Variants in EYS observed in about 807,000 individuals in gnomAD.
EYS encodes protein eyes shut homolog.
A neutral mutation model predicts 282.1 loss-of-function variants in EYS; 250 were observed. The observed-to-expected ratio is 0.89, with a 90% CI of 0.80 to 0.98. The LOEUF is 0.98. Ranked by LOEUF, EYS falls within the 50% of genes least tolerant of loss-of-function variation. The probability of loss-of-function intolerance (pLI) is 0.00; values close to 1 mark genes in which losing one functional copy is unlikely to be tolerated. For synonymous variants in EYS, 1,355 were observed against 1,282.9 expected (o/e 1.06, Z -1.20); for missense variants, 4,016 against 3,709.0 (o/e 1.08, Z -2.15).
chr6:64,876,824 AT>A (rs1426074214), intron 19 of EYS, among the ~76,000 whole-genome samples: 2 of 152,120 alleles, frequency 1.3e-5, no homozygotes, highest in African/African-American at 4.8e-5. Flanking sequence ...TGAGGGAGAA[AT>A]TAGATTAGAG....
chr6:64,430,132 C>G (rs1316446505), intron 28 of EYS, among the ~76,000 whole-genome samples: 2 of 152,116 alleles, frequency 1.3e-5, no homozygotes, highest in African/African-American at 2.4e-5. Context: ...TAATGTCTTC[C>G]AAATGAAGTG....
intron 26 of EYS, among the ~76,000 whole-genome samples, chr6:64,587,971 A>G (rs1180422696): frequency 1.3e-5 from 2 of 152,006 alleles, no homozygotes; most frequent in Non-Finnish European, 1.5e-5. Flanking sequence ...CAATTGTATC[A>G]CCAAGTTTTT....
At chr6:64,161,443 A>G (rs1462383071) in intron 31 of EYS, among the ~76,000 whole-genome samples, 1 of 152,202 alleles carries the variant, frequency 6.6e-6, no homozygotes, top group Non-Finnish European at 1.5e-5. Flanking sequence ...ACAACAAAAT[A>G]CAAGTGGTAT....
At chr6:64,963,372 G>A (rs1372010819) in intron 14 of EYS, among the ~76,000 whole-genome samples, 1 of 152,078 alleles carries the variant, frequency 6.6e-6, no homozygotes, top group African/African-American at 2.4e-5. Flanking sequence ...TTAGCCATAG[G>A]AATGGCACCC....
At chr6:64,349,382 A>G (rs1163159114) in intron 29 of EYS, among the ~76,000 whole-genome samples, 1 of 151,170 alleles carries the variant, frequency 6.6e-6, no homozygotes, top group Non-Finnish European at 1.5e-5. Context: ...CTCCTATATG[A>G]TTTTATCATG....
intron 2 of EYS, among the ~76,000 whole-genome samples, chr6:65,577,670 C>T (rs1764719483): frequency 6.6e-6 from 1 of 150,496 alleles, no homozygotes; most frequent in Non-Finnish European, 1.5e-5. Flanking sequence ...ATTAGTAAAC[C>T]ATACATCTGA....
In EYS at chr6:64,617,521, T is replaced by A. The variant is rs1262595280; in HGVS notation, c.3581A>T (p.His1194Leu). 1 of 1,546,028 alleles carries A rather than the reference T, an allele frequency of 6.5e-7. No homozygotes were observed. The highest frequency in any genetic ancestry group is 1.4e-5 in the African/African-American group (1 of 72,870). Residue 1194 changes from histidine (H) to leucine (L), a missense_variant, in exon 24 of 43, where the codon CAC becomes CTC. Physicochemically the swap from His to Leu is moderately conservative, Grantham distance 99. Coordinates refer to ENST00000503581, the MANE Select transcript of EYS (RefSeq NM_001142800.2). ...VCKCQPGWSG[H>L]HCENELECIP... ...GCACTCAAGCTCATTCTCACAGTGG[T>A]GTCCAGACCATCCTGTTCAACAAAA...
chr6:64,590,164 T>G, intron 26 of EYS, 59 bp downstream of exon 26: 1 of 1,408,012 alleles, frequency 7.1e-7, no homozygotes, highest in Non-Finnish European at 9.5e-7. Flanking sequence ...GGCTCTTTCT[T>G]CTCTGTAGAA....
intron 2 of EYS, among the ~76,000 whole-genome samples, chr6:65,580,894 T>C (rs75158672): frequency 2.5e-3 from 378 of 152,204 alleles, no homozygotes; most frequent in African/African-American, 8.5e-3. Flanking sequence ...GCCTGAAATA[T>C]AGATAATATA....
rs183878915 is a variant in EYS, at chr6:65,192,146, T to G, written c.2023+103717A>C. ...GTATGATTAAACTGTTTTTAATGAT[T>G]AGGCTTTTGATTTTTACACATAAAG... is the stretch of plus-strand genomic sequence containing the variant. On this transcript the variant is annotated intron_variant, in intron 12 of 42. Transcript: ENST00000503581. Among the ~76,000 whole-genome samples the G allele has an allele frequency of 3.7e-3, 565 of 151,886 alleles. 2 individuals are homozygous for G. Among genetic ancestry groups the G allele is most frequent in the Non-Finnish European group, 5.8e-3 (393 of 67,860 alleles).
intron 22 of EYS, among the ~76,000 whole-genome samples, chr6:64,754,798 A>G (rs1209335771): frequency 6.6e-6 from 1 of 152,138 alleles, no homozygotes; most frequent in Non-Finnish European, 1.5e-5. Flanking sequence ...AAGCTATCTC[A>G]AAAGTATAAA....
intron 35 of EYS, among the ~76,000 whole-genome samples, chr6:63,981,267 C>T (rs901697478): frequency 4.4e-4 from 67 of 151,734 alleles, no homozygotes; most frequent in African/African-American, 1.6e-3. Flanking sequence ...GAGCAAAAGA[C>T]AGCATTCTTA....
chr6:64,556,918 CTG>C (rs1393370498), intron 26 of EYS, among the ~76,000 whole-genome samples: 17 of 151,850 alleles, frequency 1.1e-4, no homozygotes, highest in African/African-American at 3.9e-4. Flanking sequence ...TTCAATATGA[CTG>C]TTAACAAAGA....
chr6:63,721,475 G>T lies in EYS; in HGVS notation c.8556C>A (p.Ile2852=), dbSNP rs766969858. The T allele has an allele frequency of 3.2e-6, 5 of 1,551,458 alleles. No individual in the cohort carries two copies. In the South Asian group the frequency reaches 5.9e-5, roughly 18 times the overall value. Residue 2852 remains isoleucine (I), a synonymous_variant, in exon 43 of 43, where the codon ATC becomes ATA. Coordinates refer to ENST00000503581, the MANE Select transcript of EYS (RefSeq NM_001142800.2). ...TTAATTGTAATTCTTGATTATTTAT[G>T]ATAACTTGTCGGATACAGCCTTGAA... ...VGFQGCIRQV[I]INNQELQLTE...
intron 35 of EYS, among the ~76,000 whole-genome samples, chr6:63,879,585 A>C (rs1190826147): frequency 6.6e-6 from 1 of 152,192 alleles, no homozygotes; most frequent in Non-Finnish European, 1.5e-5. Context: ...TTTTAGGCTT[A>C]AATGCATATA....
At chr6:65,167,805 T>C (rs1290474749) in intron 12 of EYS, among the ~76,000 whole-genome samples, 3 of 151,342 alleles carry the variant, frequency 2.0e-5, no homozygotes, top group African/African-American at 7.3e-5. Flanking sequence ...ACTTGATCTA[T>C]TTTATATATT....
At position 64,349,402 on chromosome 6, in the gene EYS, T is replaced by C. The variant is rs1354168990; in HGVS notation, c.6078+39288A>G. On this transcript the variant is annotated intron_variant, in intron 29 of 42. Coordinates refer to ENST00000503581, the MANE Select transcript of EYS (RefSeq NM_001142800.2). ...ATATGATTTTATCATGAACTTATTA[T>C]TTATTGAAAGTAGCACCTTATGAAA... Among the ~76,000 whole-genome samples, 3 of 150,568 alleles carry C rather than the reference T, an allele frequency of 2.0e-5. No homozygotes were observed. In the East Asian group the frequency reaches 5.9e-4, roughly 29 times the overall value.
intron 30 of EYS, among the ~76,000 whole-genome samples, chr6:64,267,109 T>G (rs1767784760): frequency 6.6e-6 from 1 of 152,144 alleles, no homozygotes; most frequent in Non-Finnish European, 1.5e-5. Flanking sequence ...ACTTTTAATT[T>G]TTGAAGAATC....
chr6:65,101,803 T>A (rs913709055), intron 12 of EYS, among the ~76,000 whole-genome samples: 2 of 151,214 alleles, frequency 1.3e-5, no homozygotes, highest in African/African-American at 4.8e-5. Context: ...TTGGCATTTA[T>A]GGTCAGCTTT....
Sources: gnomAD v4.1 joint callset for allele counts (sites outside exome capture counted in the v4.1 genomes callset) on GRCh38, gnomAD v4.1.1 for gene constraint, MANE v1.5 for transcripts, NCBI Gene and HGNC (gene_info 2026-07-23, HGNC 2026-07-21) for gene names.